ROBO3: variants seen among roughly 807,000 people sequenced by gnomAD.
The protein encoded by ROBO3 is roundabout homolog 3.
ROBO3 carries 97 observed loss-of-function variants against 160.5 expected under a neutral mutation model. The observed-to-expected ratio is 0.60, with a 90% confidence interval of 0.51 to 0.72. The LOEUF (loss-of-function observed/expected upper bound fraction) is 0.72. ROBO3 is among the 30% of genes least tolerant of loss of function. The pLI, the probability that ROBO3 is intolerant of heterozygous loss-of-function variation, is 0.00. For synonymous variants in ROBO3, 780 were observed against 746.2 expected, an observed-to-expected ratio of 1.05 and a Z score of -0.74; for missense variants, 1,858 against 1,846.5, an observed-to-expected ratio of 1.01 and a Z score of -0.11.
At chr11:124,868,665 G>C (rs1461433815) in intron 1 of ROBO3, 137 bp from the exon 2 acceptor site, 6 of 867,936 alleles carry the variant, frequency 6.9e-6, no homozygotes, top group South Asian at 5.6e-5. Context: ...CAGAGGGAGA[G>C]GGTAGGCAGG....
rs779083432 is a variant in ROBO3, at chr11:124,878,483, A to G, written c.3320+47A>G. ...AGGCCCACACACCTGCGGCCAGACC[A>G]TGGGCTGCTGGGGAGGAAGGGGAGG... is the stretch of plus-strand genomic sequence containing the variant. On this transcript the variant is annotated intron_variant, in intron 22 of 27. Coordinates refer to ENST00000397801, the MANE Select transcript of ROBO3 (RefSeq NM_022370.4). The surrounding 1 kb of genome is among the most constrained non-coding windows in gnomAD (Gnocchi z 4.3). The G allele has an allele frequency of 6.2e-6, 10 of 1,605,496 alleles. No individual in the cohort carries two copies. The highest frequency in any genetic ancestry group is 1.3e-5 in the African/African-American group (1 of 74,820).
At position 124,875,310 on chromosome 11, in the gene ROBO3, C is replaced by T; in HGVS notation, c.2273C>T (p.Ser758Phe). ...GQEGLGAESL[S>F]VTRSIPEEAP... ...GAGGGGCTGGGGGCTGAAAGCCTCT[C>T]TGTGACCAGGAGCATTCCTGAGGAG... The change falls in exon 14 of 28, where the codon TCT becomes TTT. Residue 758 changes from serine to phenylalanine, a missense_variant. Transcript: ENST00000397801. 2 of 1,609,692 alleles carry T rather than the reference C, an allele frequency of 1.2e-6. No homozygotes were observed. The highest frequency in any genetic ancestry group is 8.5e-7 in the Non-Finnish European group (1 of 1,178,442).
At position 124,865,831 on chromosome 11, in the gene ROBO3, G is replaced by C. The variant is rs1946189043; in HGVS notation, c.160+94G>C. The C allele has an allele frequency of 9.5e-6, 13 of 1,373,900 alleles. No homozygotes were observed. Among genetic ancestry groups the C allele is most frequent in the Non-Finnish European group, 1.3e-5 (13 of 1,027,664 alleles). The allele number at this position is 1,373,900 out of a possible 1,614,324, so 85.1% of individuals were successfully genotyped here. ...GAAGGAGAAGCGCTCCTGTCCCGAGGTCCGGGATTGAGTGGCGCCTCCCAG... is the reference window on the plus strand; with the variant it reads ...GAAGGAGAAGCGCTCCTGTCCCGAGCTCCGGGATTGAGTGGCGCCTCCCAG... On this transcript the variant is annotated intron_variant, in intron 1 of 27. Transcript: ENST00000397801. The surrounding 1 kb of genome is among the most constrained non-coding windows in gnomAD (Gnocchi z 5.5).
In ROBO3 at chr11:124,869,957, G is replaced by A; in HGVS notation, c.655G>A (p.Gly219Arg). ...CATTATTGCTCTGCAGATCCGTGGAGGGAAGCTGATGATGTCACATACACT... is the reference window on the plus strand; with the variant it reads ...CATTATTGCTCTGCAGATCCGTGGAAGGAAGCTGATGATGTCACATACACT... ...EEEGRITIRG[G>R]KLMMSHTLKS... The change falls in exon 4 of 28, where the codon GGG becomes AGG. Residue 219 changes from glycine (G) to arginine (R), a missense_variant. By Grantham distance (125) the Gly-to-Arg change is moderately radical. Coordinates refer to ENST00000397801, the MANE Select transcript of ROBO3 (RefSeq NM_022370.4). The surrounding 1 kb of genome is among the most constrained non-coding windows in gnomAD (Gnocchi z 4.2). 1 of 1,606,844 alleles carries A rather than the reference G, an allele frequency of 6.2e-7. No homozygotes were observed. The highest frequency in any genetic ancestry group is 8.5e-7 in the Non-Finnish European group (1 of 1,176,538).
intron 14 of ROBO3, 110 bp from the exon 15 acceptor site, chr11:124,875,454 T>C: frequency 5.1e-6 from 8 of 1,560,400 alleles, no homozygotes; most frequent in Admixed American, 1.9e-5. Flanking sequence ...GAAGGAGGAA[T>C]GGCTCTCAGT....
intron 27 of ROBO3, 122 bp from the exon 28 acceptor site, chr11:124,881,117 A>G (rs2135352986): frequency 1.1e-6 from 1 of 906,670 alleles, no homozygotes; most frequent in Non-Finnish European, 1.8e-6. Flanking sequence ...ATGACACATA[A>G]TAGAGGAGCC....
intron 20 of ROBO3, 98 bp downstream of exon 20, chr11:124,877,756 G>C: frequency 2.7e-6 from 4 of 1,490,764 alleles, no homozygotes; most frequent in East Asian, 2.4e-5. Context: ...CTCTGAGGTT[G>C]GTCAGTCCCT....
chr11:124,871,182 C>A (rs199957007), intron 7 of ROBO3, 44 bp downstream of exon 7: 39 of 1,575,058 alleles, frequency 2.5e-5, no homozygotes, highest in Non-Finnish European at 2.6e-5. Flanking sequence ...CCTTCCTCTG[C>A]GGCTCAGCCT....
chr11:124,874,425 AG>A (rs1173387495), intron 12 of ROBO3, among the ~76,000 whole-genome samples, 189 bp downstream of exon 12: 2 of 152,166 alleles, frequency 1.3e-5, no homozygotes, highest in Non-Finnish European at 2.9e-5. Flanking sequence ...GGAGGAAGGC[AG>A]GGAGAGGGGA....
At chr11:124,879,642 G>A (rs1946510623) in intron 25 of ROBO3, 67 bp downstream of exon 25, 2 of 1,525,468 alleles carry the variant, frequency 1.3e-6, no homozygotes, top group South Asian at 1.2e-5. Context: ...AACCAAGGGT[G>A]CACTCTGGGG....
At position 124,873,344 on chromosome 11, in the gene ROBO3, A is replaced by G; in HGVS notation, c.1571A>G (p.Lys524Arg). 6.2e-7 allele frequency: 1 copy of G among 1,612,380 alleles called. No individual in the cohort carries two copies. ...MDMGFYSCVA[K>R]SSTGEATWSG... ...ATGGGCTTCTACAGCTGCGTGGCCA[A>G]GAGTTCCACAGGGGAAGCCACATGG... Residue 524 changes from lysine to arginine, a missense_variant, in exon 10 of 28, where the codon AAG (lysine) becomes AGG (arginine). Coordinates refer to ENST00000397801, the MANE Select transcript of ROBO3 (RefSeq NM_022370.4). The surrounding 1 kb of genome is among the most constrained non-coding windows in gnomAD (Gnocchi z 4.5).
intron 5 of ROBO3, 87 bp from the exon 6 acceptor site, chr11:124,870,514 A>T (rs3923890): frequency 0.69 from 1,092,485 of 1,586,522 alleles, 381,148 homozygotes; most frequent in African/African-American, 0.83. Context: ...CCTGTCTTTA[A>T]GTACCTTGAC....
intron 17 of ROBO3, 153 bp from the exon 18 acceptor site, chr11:124,877,008 T>A: frequency 1.2e-6 from 1 of 857,216 alleles, no homozygotes; most frequent in Non-Finnish European, 2.0e-6. Flanking sequence ...GACACCTGAG[T>A]CCCACCCCCG....
rs557935994 is a variant in ROBO3 at position 124,874,136 on chromosome 11, C to A, written c.1851C>A (p.Ser617Arg). The change falls in exon 12 of 28, where the codon AGC (serine) becomes AGA (arginine). Residue 617 changes from serine to arginine, a missense_variant. Ser to Arg is a moderately radical substitution (Grantham distance 110). Transcript: ENST00000397801. Reference protein sequence around the residue: ...DGVQLETHTVSGLQPNTIYLF... With the variant: ...DGVQLETHTVRGLQPNTIYLF... ...TGCAGCTGGAGACACACACAGTCAG[C>A]GGTCTGCAGCCCAATACCATCTACC... 6.2e-7 allele frequency: 1 copy of A among 1,613,952 alleles called. No individual in the cohort carries two copies. The highest frequency in any genetic ancestry group is 8.5e-7 in the Non-Finnish European group (1 of 1,179,872).
rs1946455579 is a variant in ROBO3, at chr11:124,878,273, G to GCCTATGTTCTCCTGCCTGTTTCCTGCCT, written c.3182-25_3182-24insCCTATGTTCTCCTGCCTGTTTCCTGCCT. 1.9e-6 allele frequency: 3 copies of GCCTATGTTCTCCTGCCTGTTTCCTGCCT among 1,610,314 alleles called. No homozygotes were observed. Among genetic ancestry groups the GCCTATGTTCTCCTGCCTGTTTCCTGCCT allele is most frequent in the Admixed American group, 3.4e-5 (2 of 59,488 alleles). ...CTGGCTCTTTCCTGCCTGTTCTCCG[G>GCCTATGTTCTCCTGCCTGTTTCCTGCCT]GTGTCCCCATCCTATTCTCCTCAGG... On this transcript the variant is annotated intron_variant, in intron 21 of 27. Transcript: ENST00000397801. The surrounding 1 kb of genome is among the most constrained non-coding windows in gnomAD (Gnocchi z 4.3).
Position 124,876,932 on chromosome 11 carries a change from G to GA in ROBO3, c.2780-229_2780-228insA. The GA allele has an allele frequency of 1.6e-6, 1 of 629,192 alleles. No homozygotes were observed. The highest frequency in any genetic ancestry group is 1.9e-5 in the South Asian group (1 of 53,762). 39.0% of individuals were successfully genotyped at this position (629,192 alleles called of 1,614,324 possible). ...TCTGGAGAGATTCTGAGGTGTTTGAGGTCAGTGGTTTTCAATCTTGGTTGG... is the reference window on the plus strand; with the variant it reads ...TCTGGAGAGATTCTGAGGTGTTTGAGAGTCAGTGGTTTTCAATCTTGGTTGG... On this transcript the variant is annotated intron_variant, in intron 17 of 27. Transcript: ENST00000397801. This position sits in a 1 kb window ranked among gnomAD's most constrained non-coding sequence, Gnocchi z 5.3.
Position 124,873,500 on chromosome 11 carries a change from C to T in ROBO3, c.1618+109C>T, listed in dbSNP as rs568052278. 8.9e-7 allele frequency: 1 copy of T among 1,126,380 alleles called. No individual in the cohort carries two copies. Among genetic ancestry groups the T allele is most frequent in the Non-Finnish European group, 1.3e-6 (1 of 767,844 alleles). 69.8% of individuals were successfully genotyped at this position (1,126,380 alleles called of 1,614,324 possible). ...CGGGATTAACTTTATGTCACAAATGCCATGGTTACGGTGGTGAGGATGAGA... is the reference window on the plus strand; with the variant it reads ...CGGGATTAACTTTATGTCACAAATGTCATGGTTACGGTGGTGAGGATGAGA... On this transcript the variant is annotated intron_variant, in intron 10 of 27. Coordinates refer to ENST00000397801, the MANE Select transcript of ROBO3 (RefSeq NM_022370.4). This position sits in a 1 kb window ranked among gnomAD's most constrained non-coding sequence, Gnocchi z 4.5.
chr11:124,875,297 G>T lies in ROBO3; in HGVS notation c.2260G>T (p.Ala754Ser). Residue 754 changes from alanine (A) to serine (S), a missense_variant, in exon 14 of 28, where the codon GCT (alanine) becomes TCT (serine). Ala to Ser is a moderately conservative substitution (Grantham distance 99). Coordinates refer to ENST00000397801, the MANE Select transcript of ROBO3 (RefSeq NM_022370.4). The part of the protein sequence containing the change: ...VQAQGQEGLG[A>S]ESLSVTRSIP... ...AGCCCAAGGCCAGGAGGGGCTGGGG[G>T]CTGAAAGCCTCTCTGTGACCAGGAG... 1 of 1,613,600 alleles carries T rather than the reference G, an allele frequency of 6.2e-7. No individual in the cohort carries two copies.
In ROBO3 at chr11:124,869,431, C is replaced by T. The variant is rs529981490; in HGVS notation, c.488-19C>T. On this transcript the variant is annotated intron_variant, in intron 2 of 27. Transcript: ENST00000397801. This position sits in a 1 kb window ranked among gnomAD's most constrained non-coding sequence, Gnocchi z 4.2. ...TCACTCTACACCCTGCTTATTTCGC[C>T]CCCCACCGCCCCGCCCAGTCCTCCG... is the stretch of plus-strand genomic sequence containing the variant. 1.5e-5 allele frequency: 19 copies of T among 1,303,866 alleles called. No individual in the cohort carries two copies. The African/African-American group carries it at 2.1e-4, about 14-fold the overall frequency. 80.8% of individuals were successfully genotyped at this position (1,303,866 alleles called of 1,614,324 possible).
Sources: gnomAD v4.1 joint callset for allele counts (sites outside exome capture counted in the v4.1 genomes callset) on GRCh38, gnomAD v4.1.1 for gene constraint, Gnocchi (gnomAD v3.1) non-coding constraint, MANE v1.5 for transcripts, NCBI Gene and HGNC (gene_info 2026-07-23, HGNC 2026-07-21) for gene names.